Variants in NLRP1 observed in about 807,000 individuals in gnomAD.
NLRP1 encodes NACHT, LRR and PYD domains-containing protein 1.
NLRP1 carries 94 observed loss-of-function variants against 136.7 expected under a neutral mutation model. That is an observed-to-expected ratio of 0.69 (90% CI 0.58 to 0.82). NLRP1 has a LOEUF of 0.82. Ranked by LOEUF, NLRP1 falls within the 40% of genes least tolerant of loss-of-function variation. The pLI, the probability that NLRP1 is intolerant of heterozygous loss-of-function variation, is 0.00. For missense variants in NLRP1, 1,575 were observed against 1,802.7 expected (o/e 0.87, Z 2.29); for synonymous variants, 690 against 725.1 (o/e 0.95, Z 0.78).
chr17:5,514,516 G>A lies in NLRP1; in HGVS notation c.*238C>T. 1.4e-6 allele frequency: 2 copies of A among 1,386,666 alleles called. No homozygotes were observed. Among genetic ancestry groups the A allele is most frequent in the Non-Finnish European group, 1.9e-6 (2 of 1,070,044 alleles). 85.9% of individuals were successfully genotyped at this position (1,386,666 alleles called of 1,614,324 possible). The stretch of plus-strand genomic sequence containing the variant: ...AGATGAGGCTCTATGAGGTCTGCAG[G>A]GGTCTTGCCAGCTCCAGATGGACAT... On this transcript the variant is annotated 3_prime_UTR_variant, in exon 17 of 17. Transcript: ENST00000572272.
In NLRP1 at chr17:5,583,768, G is replaced by A; in HGVS notation, c.190C>T (p.Gln64Ter). ...ASYLVAQYGE[Q>*]RAWDLALHTW... ...TGGAGGGCTAGGTCCCAGGCCCGCTGCTCCCCATACTGAGCCACCAGGTAC... is the reference window on the plus strand; with the variant it reads ...TGGAGGGCTAGGTCCCAGGCCCGCTACTCCCCATACTGAGCCACCAGGTAC... Residue 64 changes from glutamine (Q) to a stop codon, truncating the protein, a stop_gained, in exon 1 of 17, where the codon CAG (glutamine) becomes TAG (stop). Transcript: ENST00000572272. LOFTEE classifies it high-confidence loss of function. The surrounding 1 kb of genome is among the most constrained non-coding windows in gnomAD (Gnocchi z 4.5). 6 of 1,553,632 alleles carry A rather than the reference G, an allele frequency of 3.9e-6. No homozygotes were observed. The highest frequency in any genetic ancestry group is 5.2e-6 in the Non-Finnish European group (6 of 1,148,176).
At position 5,533,222 on chromosome 17, in the gene NLRP1, C is replaced by G. The variant is rs1910547262; in HGVS notation, c.3133+82G>C. 2.6e-6 allele frequency: 4 copies of G among 1,543,430 alleles called. No individual in the cohort carries two copies. In the South Asian group the frequency reaches 4.8e-5, roughly 19 times the overall value. On this transcript the variant is annotated intron_variant, in intron 10 of 16. Transcript: ENST00000572272. ...CTTCCCCACTGGAATAGAAGTGCCA[C>G]TCTCCCCAGCATGCCCAGGTGGGCA...
Position 5,559,308 on chromosome 17 carries a change from A to G in NLRP1, c.1388T>C (p.Leu463Pro). The change falls in exon 4 of 17, where the codon CTG becomes CCG. Residue 463 changes from leucine (L) to proline (P), a missense_variant. By Grantham distance (98) the Leu-to-Pro change is moderately conservative (BLOSUM62 -3). Transcript: ENST00000572272. ...CTCCAAAGAAGGAATGAGGTTCTGC[A>G]GAGCTGTGGTCCGAGCCGTGATCAG... ...SFLITARTTA[L>P]QNLIPSLEQA... The G allele has an allele frequency of 1.2e-6, 2 of 1,614,208 alleles. No individual in the cohort carries two copies. Among genetic ancestry groups the G allele is most frequent in the Non-Finnish European group, 8.5e-7 (1 of 1,180,024 alleles).
chr17:5,501,861 T>C, exon 16 of NLRP1: 5 of 1,613,866 alleles, frequency 3.1e-6, no homozygotes, highest in Non-Finnish European at 2.5e-6. Flanking sequence ...CACGGCTGGC[T>C]GGTGTTCCTT....
At position 5,514,567 on chromosome 17, in the gene NLRP1, G is replaced by T; in HGVS notation, c.*187C>A. ...TCCCTGAGATGCTGTTAGGCCACCT[G>T]GACTGGGGCCCCCTGTGGCATCCCT... is the stretch of plus-strand genomic sequence containing the variant. On this transcript the variant is annotated 3_prime_UTR_variant, in exon 17 of 17. Transcript: ENST00000572272. 7.0e-7 allele frequency: 1 copy of T among 1,436,508 alleles called. No homozygotes were observed. The highest frequency in any genetic ancestry group is 9.1e-7 in the Non-Finnish European group (1 of 1,099,444). 89.0% of individuals were successfully genotyped at this position (1,436,508 alleles called of 1,614,324 possible).
At chr17:5,529,483 T>G (rs1909963148) in intron 12 of NLRP1, among the ~76,000 whole-genome samples, 1 of 151,818 alleles carries the variant, frequency 6.6e-6, no homozygotes, top group African/African-American at 2.4e-5. Flanking sequence ...TTCTCCTGCC[T>G]CAGCCTTCCG....
rs766937839 is a variant in NLRP1 at position 5,520,903 on chromosome 17, C to T, written c.3893G>A (p.Gly1298Glu). The stretch of plus-strand genomic sequence containing the variant: ...CACCTTGGGGAGTATTTCCAGCATC[C>T]CTGAACCAGACCCAGACACAGTGTA... ...CRYTVSGSGS[G>E]MLEILPKELE... Residue 1298 changes from glycine to glutamate, a missense_variant, in exon 14 of 17, where the codon GGG becomes GAG. Physicochemically the swap from Gly to Glu is moderately conservative, Grantham distance 98. Transcript: ENST00000572272. 1 of 1,607,426 alleles carries T rather than the reference C, an allele frequency of 6.2e-7. No homozygotes were observed. The highest frequency in any genetic ancestry group is 8.5e-7 in the Non-Finnish European group (1 of 1,176,202).
intron 4 of NLRP1, among the ~76,000 whole-genome samples, chr17:5,554,804 T>C (rs1278576737): frequency 6.6e-6 from 1 of 152,112 alleles, no homozygotes; most frequent in Non-Finnish European, 1.5e-5. Context: ...GGAGGATCGA[T>C]TGAGCCCAGG....
At chr17:5,538,404 T>C (rs1358783106) in intron 7 of NLRP1, among the ~76,000 whole-genome samples, 1 of 152,116 alleles carries the variant, frequency 6.6e-6, no homozygotes, top group African/African-American at 2.4e-5. Context: ...CCCCACACCA[T>C]CCCTAGGCCT....
chr17:5,503,108 G>A (rs1907170400), intron 15 of NLRP1: 2 of 151,826 alleles, frequency 1.3e-5, no homozygotes, highest in Non-Finnish European at 2.9e-5. Context: ...GGTTTTCAAG[G>A]TGGAATGGAA....
chr17:5,532,098 T>C (rs1475397464), intron 11 of NLRP1, among the ~76,000 whole-genome samples: 2 of 152,134 alleles, frequency 1.3e-5, no homozygotes, highest in Non-Finnish European at 2.9e-5. Context: ...ACAATTTTCA[T>C]TTTTCACACG....
chr17:5,531,836 C>A (rs1910313862), intron 11 of NLRP1, among the ~76,000 whole-genome samples: 1 of 152,184 alleles, frequency 6.6e-6, no homozygotes, highest in Non-Finnish European at 1.5e-5. Context: ...CAGTCCTTAG[C>A]TCATTAGTGG....
At chr17:5,525,413 T>C (rs894653500) in intron 12 of NLRP1, among the ~76,000 whole-genome samples, 1 of 152,218 alleles carries the variant, frequency 6.6e-6, no homozygotes, top group African/African-American at 2.4e-5. Flanking sequence ...TGCCCGGTGT[T>C]TGCCTTGGGA....
At chr17:5,510,807 A>G (rs1389092344), downstream of NLRP1, among the ~76,000 whole-genome samples, 9 of 152,168 alleles carry the variant, frequency 5.9e-5, no homozygotes, top group African/African-American at 1.9e-4. Context: ...GATTACAGAC[A>G]TGGGTGCGTA....
intron 7 of NLRP1, among the ~76,000 whole-genome samples, chr17:5,538,306 A>G (rs1320697076): frequency 1.3e-5 from 2 of 152,106 alleles, no homozygotes; most frequent in Non-Finnish European, 2.9e-5. Context: ...TCTGGGGCCT[A>G]CGGGATGGGA....
Position 5,558,902 on chromosome 17 carries a change from C to A in NLRP1, c.1794G>T (p.Gly598=), listed in dbSNP as rs368201937. 10 of 1,613,968 alleles carry A rather than the reference C, an allele frequency of 6.2e-6. No individual in the cohort carries two copies. Among genetic ancestry groups the A allele is most frequent in the Non-Finnish European group, 8.5e-6 (10 of 1,180,008 alleles). The change falls in exon 4 of 17, where the codon GGG becomes GGT. Residue 598 remains glycine (G), a synonymous_variant. Coordinates refer to ENST00000572272, the MANE Select transcript of NLRP1 (RefSeq NM_033004.4). ...PDDLRKHGLD[G]AIISTFLKMG... is the part of the protein sequence containing the mutation. The stretch of plus-strand genomic sequence containing the variant: ...TCTTCAAGAAGGTGGAGATGATGGC[C>A]CCATCTAACCCATGCTTCCTGAGGT...
chr17:5,562,139 C>T (rs1431683308), intron 3 of NLRP1, among the ~76,000 whole-genome samples: 1 of 152,196 alleles, frequency 6.6e-6, no homozygotes, highest in African/African-American at 2.4e-5. Context: ...ATGGGCCACA[C>T]CTGCTAGAGC....
chr17:5,530,448 C>A (rs748841071), intron 12 of NLRP1, 33 bp downstream of exon 12: 6 of 1,584,644 alleles, frequency 3.8e-6, no homozygotes, highest in Non-Finnish European at 5.2e-6. Flanking sequence ...ATAATTACCA[C>A]CACCTTCCTC....
At chr17:5,520,156 G>A (rs1282847245) in intron 14 of NLRP1, among the ~76,000 whole-genome samples, 1 of 152,084 alleles carries the variant, frequency 6.6e-6, no homozygotes, top group Non-Finnish European at 1.5e-5. Context: ...GCGCCTGGCT[G>A]TAAATCAGGT....
Sources: allele counts gnomAD v4.1 joint callset (sites outside exome capture counted in the v4.1 genomes callset), GRCh38; gene constraint gnomAD v4.1.1; non-coding constraint Gnocchi (gnomAD v3.1); transcripts MANE v1.5; gene names NCBI Gene and HGNC (gene_info 2026-07-23, HGNC 2026-07-21).